The following ATOSA variants were observed in gnomAD, a reference collection of about 807,000 sequenced individuals.
The protein encoded by ATOSA is atos homolog A.
the ATOSA span, among the ~76,000 whole-genome samples, chr15:52,643,642 G>A: frequency 6.0e-4 from 91 of 150,814 alleles, 1 homozygote; most frequent in African/African-American, 5.9e-4. Context: ...TTAGCCGGGC[G>A]CAGTGGCTCA....
chr15:52,665,478 G>A, the ATOSA span, among the ~76,000 whole-genome samples: 6 of 152,226 alleles, frequency 3.9e-5, no homozygotes, highest in Non-Finnish European at 7.4e-5. Flanking sequence ...ATACATTAAA[G>A]CTAACAAGAG....
At chr15:52,634,425 G>T in the ATOSA span, among the ~76,000 whole-genome samples, 1 of 151,942 alleles carries the variant, frequency 6.6e-6, no homozygotes, top group Non-Finnish European at 1.5e-5. Flanking sequence ...AAGGCACCAA[G>T]AAAGATGGGA....
chr15:52,668,145 G>C, the ATOSA span, among the ~76,000 whole-genome samples: 1 of 152,292 alleles, frequency 6.6e-6, no homozygotes, highest in South Asian at 2.1e-4. Context: ...CAATAGCCAA[G>C]ATATGGAATC....
At chr15:52,686,568 A>G in the ATOSA span, among the ~76,000 whole-genome samples, 1 of 152,250 alleles carries the variant, frequency 6.6e-6, no homozygotes, top group South Asian at 2.1e-4. Context: ...CACATGTAGT[A>G]GATAGAGCAT....
chr15:52,613,920 T>C, the ATOSA span: 1 of 1,358,924 alleles, frequency 7.4e-7, no homozygotes, highest in South Asian at 1.2e-5. Flanking sequence ...ACTCATCTGG[T>C]CTGCCTAAAA....
At chr15:52,582,162 T>C in the ATOSA span, 4 of 1,569,248 alleles carry the variant, frequency 2.5e-6, no homozygotes, top group Non-Finnish European at 3.4e-6. Context: ...TATCAACATC[T>C]TGGTGAAAAC....
chr15:52,595,024 T>C, the ATOSA span, among the ~76,000 whole-genome samples: 2 of 152,188 alleles, frequency 1.3e-5, no homozygotes, highest in Non-Finnish European at 2.9e-5. Context: ...TTTCCAACAT[T>C]GCCATGCTCT....
chr15:52,611,979 A>G, the ATOSA span, among the ~76,000 whole-genome samples: 8 of 151,978 alleles, frequency 5.3e-5, no homozygotes, highest in Non-Finnish European at 1.2e-4. Context: ...AGGATTAGTA[A>G]TGAACATTTA....
At chr15:52,584,636 G>A in the ATOSA span, 1 of 931,576 alleles carries the variant, frequency 1.1e-6, no homozygotes, top group Non-Finnish European at 1.6e-6. Flanking sequence ...CCCAAGCTAA[G>A]CAAAGTCCCA....
At chr15:52,610,309 T>C in the ATOSA span, 599 of 1,613,956 alleles carry the variant, frequency 3.7e-4, 4 homozygotes, top group African/African-American at 6.8e-3. Context: ...GTGAGAAACA[T>C]TGGGAACAGG....
chr15:52,679,866 TCGAGC>T, the ATOSA span, among the ~76,000 whole-genome samples: 1 of 136,162 alleles, frequency 7.3e-6, no homozygotes, highest in Non-Finnish European at 1.6e-5. Flanking sequence ...AGAGTTGTGA[TCGAGC>T]CCCAAGTGGA....
the ATOSA span, among the ~76,000 whole-genome samples, chr15:52,693,849 T>C: frequency 5.1e-4 from 77 of 152,300 alleles, no homozygotes; most frequent in Admixed American, 1.2e-3. Context: ...ACCAACTTAA[T>C]AGAAAAACCT....
At chr15:52,683,305 T>G in the ATOSA span, among the ~76,000 whole-genome samples, 1 of 152,244 alleles carries the variant, frequency 6.6e-6, no homozygotes, top group African/African-American at 2.4e-5. Context: ...CTATATTTAA[T>G]AAGTAGAAGG....
chr15:52,613,195 G>A, the ATOSA span, among the ~76,000 whole-genome samples: 13 of 152,108 alleles, frequency 8.5e-5, no homozygotes, highest in East Asian at 1.9e-4. Context: ...ACAAAACACC[G>A]CCTCTACTAA....
At chr15:52,586,358 A>G in the ATOSA span, 1 of 152,358 alleles carries the variant, frequency 6.6e-6, no homozygotes. Context: ...TGGAACAATG[A>G]TGATGAGTAA....
chr15:52,586,658 C>T, the ATOSA span: 19 of 156,924 alleles, frequency 1.2e-4, no homozygotes, highest in Admixed American at 1.0e-3. Flanking sequence ...AGATCAATGC[C>T]TAGACCAAAA....
At chr15:52,674,384 AG>A in the ATOSA span, among the ~76,000 whole-genome samples, 1 of 152,138 alleles carries the variant, frequency 6.6e-6, no homozygotes, top group African/African-American at 2.4e-5. Context: ...TTGAAACACC[AG>A]GTATTCAATA....
the ATOSA span, among the ~76,000 whole-genome samples, chr15:52,693,568 C>G: frequency 6.6e-6 from 1 of 151,972 alleles, no homozygotes; most frequent in East Asian, 1.9e-4. Context: ...GGTCCATTCA[C>G]AAAAACAAAA....
At chr15:52,595,656 TAGTG>T in the ATOSA span, among the ~76,000 whole-genome samples, 1,542 of 152,218 alleles carry the variant, frequency 0.01, 25 homozygotes, top group African/African-American at 0.036. Context: ...CTACTGAAAT[TAGTG>T]AGTGAGTTGA....
Sources: allele counts gnomAD v4.1 joint callset (sites outside exome capture counted in the v4.1 genomes callset), GRCh38; gene constraint gnomAD v4.1.1; transcripts MANE v1.5; gene names NCBI Gene and HGNC (gene_info 2026-07-23, HGNC 2026-07-21).